Variants in REC114 observed in about 807,000 individuals in gnomAD.
The protein encoded by REC114 is REC114 meiotic recombination protein, also known as meiotic recombination protein REC114.
Under a neutral mutation model 31.3 loss-of-function variants are expected in REC114, and 27 were observed. That is an observed-to-expected ratio of 0.86 (90% CI 0.64 to 1.19). REC114 has a LOEUF of 1.19. Ranked by LOEUF, REC114 falls within the 50% of genes most tolerant of loss-of-function variation. REC114 has a pLI of 0.00. For synonymous variants in REC114, 134 were observed against 127.7 expected, an observed-to-expected ratio of 1.05 and a Z score of -0.33; for missense variants, 344 against 326.9, an observed-to-expected ratio of 1.05 and a Z score of -0.40.
At chr15:73,535,863 A>G (rs1158671023) in intron 2 of REC114, among the ~76,000 whole-genome samples, 4 of 151,958 alleles carry the variant, frequency 2.6e-5, no homozygotes, top group Non-Finnish European at 4.4e-5. Flanking sequence ...GCCCTCAGAG[A>G]TAACACCGCA....
At chr15:73,453,731 A>G (rs1892881994) in intron 1 of REC114, among the ~76,000 whole-genome samples, 1 of 152,194 alleles carries the variant, frequency 6.6e-6, no homozygotes, top group Non-Finnish European at 1.5e-5. Context: ...AATGCCCATC[A>G]ATGATAGACT....
At position 73,480,568 on chromosome 15, in the gene REC114, G is replaced by A. The variant is rs544959224; in HGVS notation, c.249+6647G>A. Among the ~76,000 whole-genome samples, 148 of 152,160 alleles carry A rather than the reference G, an allele frequency of 9.7e-4. 1 individual carries two copies. Among genetic ancestry groups the A allele is most frequent in the Admixed American group, 9.8e-4 (15 of 15,286 alleles). On this transcript the variant is annotated intron_variant, in intron 2 of 5. Transcript: ENST00000331090. ...TCTTGGCCTCCACAGAAAGCAACAC[G>A]TAGAAGAGCAAACACATTTGGATTA...
At chr15:73,484,859 G>A (rs573912776) in intron 2 of REC114, among the ~76,000 whole-genome samples, 154 of 152,274 alleles carry the variant, frequency 1.0e-3, no homozygotes, top group African/African-American at 3.6e-3. Context: ...TTTGGTTTTA[G>A]TTTCCTTTTT....
chr15:73,552,039 A>G (rs1443025832), intron 4 of REC114, among the ~76,000 whole-genome samples: 1 of 152,250 alleles, frequency 6.6e-6, no homozygotes. Context: ...TGTCCAGATG[A>G]CCGATGCCTG....
chr15:73,474,098 C>G (rs1595864325), intron 2 of REC114, among the ~76,000 whole-genome samples, 177 bp downstream of exon 2: 1 of 152,148 alleles, frequency 6.6e-6, no homozygotes, highest in Non-Finnish European at 1.5e-5. Context: ...TGAATATTGC[C>G]TGCCCTAAAG....
At chr15:73,496,651 CAAAAA>C (rs202054841) in intron 2 of REC114, among the ~76,000 whole-genome samples, 1 of 84,694 alleles carries the variant, frequency 1.2e-5, no homozygotes, top group Non-Finnish European at 2.5e-5. Context: ...AGACTCCATC[CAAAAA>C]AAAAAAAAAA....
intron 2 of REC114, among the ~76,000 whole-genome samples, chr15:73,487,344 C>T (rs1893384921): frequency 1.3e-5 from 2 of 152,152 alleles, no homozygotes; most frequent in African/African-American, 4.8e-5. Context: ...GGGTGAGACT[C>T]AAGGTAAGAT....
At chr15:73,508,491 T>C (rs1250908013) in intron 2 of REC114, among the ~76,000 whole-genome samples, 5 of 151,270 alleles carry the variant, frequency 3.3e-5, no homozygotes, top group Non-Finnish European at 4.4e-5. Flanking sequence ...ATGTGCACAT[T>C]GTGCAGGTTA....
intron 3 of REC114, among the ~76,000 whole-genome samples, chr15:73,550,640 G>A (rs755923890): frequency 5.3e-5 from 8 of 152,108 alleles, no homozygotes; most frequent in Non-Finnish European, 7.4e-5. Context: ...TCCAAAGCAC[G>A]ATAAAACACT....
chr15:73,500,815 ACTCCCTC>A (rs1893594975), intron 2 of REC114, among the ~76,000 whole-genome samples: 1 of 141,010 alleles, frequency 7.1e-6, no homozygotes, highest in African/African-American at 2.7e-5. Context: ...GACTTCTCCC[ACTCCCTC>A]CTCTGAACTC....
chr15:73,479,142 TA>T (rs1218329406), intron 2 of REC114, among the ~76,000 whole-genome samples: 2 of 151,494 alleles, frequency 1.3e-5, no homozygotes, highest in Admixed American at 1.3e-4. Context: ...TTCCCCATCT[TA>T]GGGGGAAAGC....
chr15:73,556,220 T>C (rs1369110814), intron 4 of REC114, 82 bp from the exon 5 acceptor site: 7 of 1,134,924 alleles, frequency 6.2e-6, no homozygotes, highest in Non-Finnish European at 9.0e-6. Context: ...TGAACATGAA[T>C]GCATATTTCT....
At chr15:73,497,383 A>G (rs1893543079) in intron 2 of REC114, among the ~76,000 whole-genome samples, 1 of 152,174 alleles carries the variant, frequency 6.6e-6, no homozygotes, top group Non-Finnish European at 1.5e-5. Context: ...ATTTGATTCT[A>G]TCAGTATGGA....
chr15:73,496,281 G>T (rs1893522670), intron 2 of REC114, among the ~76,000 whole-genome samples: 1 of 149,594 alleles, frequency 6.7e-6, no homozygotes, highest in Non-Finnish European at 1.5e-5. Flanking sequence ...GAACCCGGGA[G>T]GCAGAGGTTG....
intron 2 of REC114, among the ~76,000 whole-genome samples, chr15:73,506,198 T>A (rs542169006): frequency 2.0e-5 from 3 of 152,246 alleles, no homozygotes; most frequent in Admixed American, 1.3e-4. Context: ...AAAGCTTTAC[T>A]TTTTTTGTAT....
At chr15:73,464,538 G>A (rs1893030886) in intron 1 of REC114, among the ~76,000 whole-genome samples, 1 of 152,026 alleles carries the variant, frequency 6.6e-6, no homozygotes, top group South Asian at 2.1e-4. Context: ...CTCCAAGAGT[G>A]GACACTTTAA....
Position 73,485,424 on chromosome 15 carries a change from T to C in REC114, c.249+11503T>C, listed in dbSNP as rs556475978. 2.6e-5 allele frequency among the ~76,000 whole-genome samples: 4 copies of C among 152,288 alleles called. No homozygotes were observed. In the South Asian group the frequency reaches 8.3e-4, roughly 32 times the overall value. On this transcript the variant is annotated intron_variant, in intron 2 of 5. Coordinates refer to ENST00000331090, the MANE Select transcript of REC114 (RefSeq NM_001042367.2). ...CCTGTCTATTCTTTGGCCACTGATA[T>C]GGTTTGGATCTGAGTCCTACCCAAA...
intron 5 of REC114, 61 bp downstream of exon 5, chr15:73,556,452 G>A: frequency 1.5e-6 from 2 of 1,367,330 alleles, no homozygotes; most frequent in Non-Finnish European, 2.0e-6. Context: ...CTAAGAATTT[G>A]TATCCCTTTG....
intron 2 of REC114, chr15:73,483,359 T>C (rs900064961): frequency 6.5e-6 from 1 of 153,104 alleles, no homozygotes; most frequent in Non-Finnish European, 1.5e-5. Context: ...ACGCACAGTC[T>C]TCTCAGTCAG....
Sources: gnomAD v4.1 joint callset for allele counts (sites outside exome capture counted in the v4.1 genomes callset) on GRCh38, gnomAD v4.1.1 for gene constraint, MANE v1.5 for transcripts, NCBI Gene and HGNC (gene_info 2026-07-23, HGNC 2026-07-21) for gene names.